The following GPSM2 variants were observed in gnomAD, a reference collection of about 807,000 sequenced individuals.
The protein encoded by GPSM2 is G protein signaling modulator 2.
Under a neutral mutation model 78.4 loss-of-function variants are expected in GPSM2, and 58 were observed. That is an observed-to-expected ratio of 0.74 (90% CI 0.60 to 0.92). The LOEUF is 0.92. GPSM2 is among the 40% of genes least tolerant of loss of function. GPSM2 has a pLI of 0.00. For synonymous variants in GPSM2, 224 were observed against 280.2 expected (o/e 0.80, Z 2.00); for missense variants, 700 against 815.5 (o/e 0.86, Z 1.73).
Position 108,901,959 on chromosome 1 carries a change from CT to C in GPSM2, c.953+19del. The C allele has an allele frequency of 6.3e-7, 1 of 1,581,192 alleles. No homozygotes were observed. The highest frequency in any genetic ancestry group is 8.7e-7 in the Non-Finnish European group (1 of 1,150,170). On this transcript the variant is annotated intron_variant, in intron 8 of 14. Coordinates refer to ENST00000264126, the MANE Select transcript of GPSM2 (RefSeq NM_013296.5). ...GCTGAATGATAGGTATGTTTTACGT[CT>C]TTTTACCATAACTAAGGTAAAATAT...
At chr1:108,916,857 A>C (rs1156261279) in intron 11 of GPSM2, among the ~76,000 whole-genome samples, 1 of 152,222 alleles carries the variant, frequency 6.6e-6, no homozygotes, top group Non-Finnish European at 1.5e-5. Context: ...CATAAGGAAA[A>C]AGGGAGACTT....
At chr1:108,894,222 T>A (rs2101380557) in intron 2 of GPSM2, among the ~76,000 whole-genome samples, 1 of 152,306 alleles carries the variant, frequency 6.6e-6, no homozygotes, top group South Asian at 2.1e-4. Context: ...AAGGCAAAAA[T>A]AGGCTTTATT....
At position 108,904,027 on chromosome 1, in the gene GPSM2, A is replaced by G. The variant is rs1048063246; in HGVS notation, c.1063-98A>G. ...CTAATATAACTATTTTCATTTCTCT[A>G]TATTTTCTTCTAGTTTTAGGTTCAC... is the stretch of plus-strand genomic sequence containing the variant. On this transcript the variant is annotated intron_variant, in intron 9 of 14. Coordinates refer to ENST00000264126, the MANE Select transcript of GPSM2 (RefSeq NM_013296.5). 3 of 813,964 alleles carry G rather than the reference A, an allele frequency of 3.7e-6. No individual in the cohort carries two copies. The South Asian group carries it at 4.4e-5, about 12-fold the overall frequency. The allele number at this position is 813,964 out of a possible 1,614,324, so 50.4% of individuals were successfully genotyped here. A position where few individuals can be genotyped will look rare whatever the true frequency, so the allele number is the denominator to read the frequency against.
intron 10 of GPSM2, among the ~76,000 whole-genome samples, chr1:108,907,480 A>G (rs1358238995): frequency 6.6e-6 from 1 of 152,244 alleles, no homozygotes; most frequent in African/African-American, 2.4e-5. Flanking sequence ...ATGTAAAGAA[A>G]CAAGCCAAGA....
At chr1:108,904,649 G>A (rs1439246659) in intron 10 of GPSM2, among the ~76,000 whole-genome samples, 2 of 151,490 alleles carry the variant, frequency 1.3e-5, no homozygotes, top group African/African-American at 2.4e-5. Flanking sequence ...ATCGTTTTAC[G>A]TATCTGTTTT....
Position 108,931,309 on chromosome 1 carries a change from C to A in GPSM2, c.*1369C>A. On this transcript the variant is annotated 3_prime_UTR_variant, in exon 15 of 15. Transcript: ENST00000264126. ...GTCATTAAGCTTTGTCTTCCTTATC[C>A]CAGATATTGAAGGCAGTTTACAAGG... is the stretch of plus-strand genomic sequence containing the variant. 1 of 1,540,744 alleles carries A rather than the reference C, an allele frequency of 6.5e-7. No homozygotes were observed. The highest frequency in any genetic ancestry group is 8.8e-7 in the Non-Finnish European group (1 of 1,141,044).
At position 108,901,895 on chromosome 1, in the gene GPSM2, C is replaced by T; in HGVS notation, c.903C>T (p.Ala301=). 5 of 1,610,658 alleles carry T rather than the reference C, an allele frequency of 3.1e-6. No homozygotes were observed. Among genetic ancestry groups the T allele is most frequent in the Non-Finnish European group, 3.4e-6 (4 of 1,176,954 alleles). Residue 301 remains alanine, a synonymous_variant, in exon 8 of 15, where the codon GCC becomes GCT. Transcript: ENST00000264126. ...CTTTACTTCAAGACTATGAAAAGGC[C>T]ATTGATTATCATCTGAAGCACTTAG... ...TYTLLQDYEK[A]IDYHLKHLAI...
Position 108,929,963 on chromosome 1 carries a change from C to T in GPSM2, c.*23C>T. On this transcript the variant is annotated 3_prime_UTR_variant, in exon 15 of 15. Coordinates refer to ENST00000264126, the MANE Select transcript of GPSM2 (RefSeq NM_013296.5). ...TAGTTACTATGGATTTATTTTTTTT[C>T]CTTTCAAACACGGTAAGGAAACAAT... 1.3e-5 allele frequency: 21 copies of T among 1,602,948 alleles called. No homozygotes were observed. The highest frequency in any genetic ancestry group is 1.8e-5 in the Non-Finnish European group (21 of 1,170,998).
At chr1:108,908,526 T>A (rs562624118) in intron 10 of GPSM2, among the ~76,000 whole-genome samples, 4 of 149,436 alleles carry the variant, frequency 2.7e-5, no homozygotes, top group Non-Finnish European at 4.5e-5. Flanking sequence ...TACTAAAAAA[T>A]TAGCTGGGCG....
intron 2 of GPSM2, among the ~76,000 whole-genome samples, chr1:108,889,766 C>T (rs556624564): frequency 1.3e-5 from 2 of 152,256 alleles, no homozygotes; most frequent in African/African-American, 4.8e-5. Flanking sequence ...CTAGTGGGCT[C>T]AATCTCAAAA....
chr1:108,910,862 C>CA (rs59356856), intron 10 of GPSM2, among the ~76,000 whole-genome samples: 17,693 of 120,450 alleles, frequency 0.15, 1,165 homozygotes, highest in Admixed American at 0.24. Flanking sequence ...GACTCCGTCT[C>CA]AAAAAAAAAA....
intron 10 of GPSM2, among the ~76,000 whole-genome samples, chr1:108,911,528 G>A (rs935417274): frequency 9.9e-5 from 15 of 151,966 alleles, no homozygotes; most frequent in African/African-American, 3.4e-4. Context: ...CTCCATCTCA[G>A]AAAAACAAAA....
chr1:108,905,168 G>GT (rs748760582), intron 10 of GPSM2, among the ~76,000 whole-genome samples: 29 of 152,176 alleles, frequency 1.9e-4, no homozygotes, highest in Non-Finnish European at 3.7e-4. Flanking sequence ...TGCGTGCTTT[G>GT]TGGTTGAATG....
intron 14 of GPSM2, among the ~76,000 whole-genome samples, chr1:108,924,651 G>T (rs77647707): frequency 0.012 from 1,758 of 152,268 alleles, 42 homozygotes; most frequent in African/African-American, 0.04. Flanking sequence ...AGTCAGCCAT[G>T]TGAGTATCTA....
In GPSM2 at chr1:108,884,555, G is replaced by A. The variant is rs533021910; in HGVS notation, c.-248-720G>A. Among the ~76,000 whole-genome samples the A allele has an allele frequency of 3.3e-5, 5 of 152,206 alleles. No individual in the cohort carries two copies. In the South Asian group the frequency reaches 6.2e-4, roughly 19 times the overall value. On this transcript the variant is annotated intron_variant, in intron 1 of 14. Coordinates refer to ENST00000264126, the MANE Select transcript of GPSM2 (RefSeq NM_013296.5). ...CTTATTTAGGACTATACTGACATTC[G>A]TGTTAAAGTTGTAAAGACAAGCAAA...
rs58295802 is a variant in GPSM2, at chr1:108,891,664, A to ATTTTT, written c.57-5184_57-5180dup. On this transcript the variant is annotated intron_variant, in intron 2 of 14. Transcript: ENST00000264126. ...AGGTGCATGCCACCACAGCCAGCTA[A>ATTTTT]TTTTTTTTTTTTTTTTTTTTGGTGG... is the stretch of plus-strand genomic sequence containing the variant. Among the ~76,000 whole-genome samples the ATTTTT allele has an allele frequency of 9.3e-3, 1,090 of 117,096 alleles. 17 individuals carry two copies. Among genetic ancestry groups the ATTTTT allele is most frequent in the African/African-American group, 0.034 (974 of 28,788 alleles). The allele number at this position is 117,096 out of a possible 152,430, so 76.8% of individuals were successfully genotyped here. A position where few individuals can be genotyped will look rare whatever the true frequency, so the allele number is the denominator to read the frequency against.
intron 10 of GPSM2, among the ~76,000 whole-genome samples, chr1:108,911,636 G>A (rs1649750475): frequency 6.6e-6 from 1 of 152,126 alleles, no homozygotes; most frequent in Admixed American, 6.6e-5. Context: ...GAAGATGAAT[G>A]CATTAAATGT....
intron 1 of GPSM2, among the ~76,000 whole-genome samples, chr1:108,882,928 T>G (rs1647233752): frequency 6.6e-6 from 1 of 152,198 alleles, no homozygotes. Flanking sequence ...CCCTAGCCCG[T>G]GCTGTGGCAT....
In GPSM2 at chr1:108,931,306, A is replaced by G; in HGVS notation, c.*1366A>G. 1 of 1,542,644 alleles carries G rather than the reference A, an allele frequency of 6.5e-7. No homozygotes were observed. The highest frequency in any genetic ancestry group is 8.8e-7 in the Non-Finnish European group (1 of 1,142,370). On this transcript the variant is annotated 3_prime_UTR_variant, in exon 15 of 15. Transcript: ENST00000264126. ...GTTGTCATTAAGCTTTGTCTTCCTT[A>G]TCCCAGATATTGAAGGCAGTTTACA... is the stretch of plus-strand genomic sequence containing the variant.
Sources: gnomAD v4.1 joint callset for allele counts (sites outside exome capture counted in the v4.1 genomes callset) on GRCh38, gnomAD v4.1.1 for gene constraint, MANE v1.5 for transcripts, NCBI Gene and HGNC (gene_info 2026-07-23, HGNC 2026-07-21) for gene names.